The following TCEA1 variants were observed in gnomAD, a reference collection of about 807,000 sequenced individuals.
TCEA1 encodes the protein transcription elongation factor A1.
In TCEA1, 21 loss-of-function variants were observed where a neutral mutation model predicts 43.8. That is an observed-to-expected ratio of 0.48 (90% CI 0.34 to 0.69). The LOEUF (loss-of-function observed/expected upper bound fraction) is 0.69, where lower values mean the gene tolerates loss of function less well. Among genes scored for constraint, TCEA1 ranks in the 30% least tolerant of loss-of-function variants. The pLI, the probability that TCEA1 is intolerant of heterozygous loss-of-function variation, is 0.01. For missense variants in TCEA1, 250 were observed against 365.1 expected (o/e 0.68, Z 2.57); for synonymous variants, 104 against 117.5 (o/e 0.88, Z 0.75).
chr8:54,000,758 ATT>A (rs537952645), intron 2 of TCEA1, among the ~76,000 whole-genome samples: 11 of 136,044 alleles, frequency 8.1e-5, no homozygotes, highest in Admixed American at 1.5e-4. Flanking sequence ...CAAAGCTGGG[ATT>A]TTTTTTTTTT....
intron 7 of TCEA1, 85 bp from the exon 8 acceptor site, chr8:53,979,256 T>C (rs1357668649): frequency 1.5e-6 from 2 of 1,338,534 alleles, no homozygotes; most frequent in African/African-American, 1.5e-5. Flanking sequence ...AGCCTAATAA[T>C]AATAAAACCA....
chr8:54,001,755 A>G (rs541793095), intron 2 of TCEA1, among the ~76,000 whole-genome samples: 3 of 152,304 alleles, frequency 2.0e-5, no homozygotes, highest in African/African-American at 4.8e-5. Context: ...TAAAAAGTCA[A>G]TGATTATCCC....
At chr8:53,997,808 A>T (rs751984076) in intron 3 of TCEA1, among the ~76,000 whole-genome samples, 14 of 152,204 alleles carry the variant, frequency 9.2e-5, no homozygotes, top group Non-Finnish European at 1.8e-4. Flanking sequence ...CTGATGTGAA[A>T]GACTGCTTGA....
At chr8:54,016,454 C>T (rs542052627) in intron 1 of TCEA1, among the ~76,000 whole-genome samples, 12 of 152,092 alleles carry the variant, frequency 7.9e-5, no homozygotes, top group South Asian at 6.2e-4. Flanking sequence ...GGTGACAGAG[C>T]GAGACACTTG....
At chr8:54,021,362 A>T (rs1805023520) in intron 1 of TCEA1, among the ~76,000 whole-genome samples, 1 of 152,356 alleles carries the variant, frequency 6.6e-6, no homozygotes, top group African/African-American at 2.4e-5. Context: ...TATTAACTGT[A>T]AACCACTTAG....
At chr8:54,016,338 C>T (rs1048296116) in intron 1 of TCEA1, among the ~76,000 whole-genome samples, 5 of 152,036 alleles carry the variant, frequency 3.3e-5, no homozygotes, top group Non-Finnish European at 7.4e-5. Context: ...GGGCATGGTG[C>T]TGGGTGCCTG....
At chr8:53,972,774 G>A (rs1217416065) in intron 8 of TCEA1, 1 of 715,656 alleles carries the variant, frequency 1.4e-6, no homozygotes. Context: ...TGCAGTAGTA[G>A]ACTGTGATTC....
chr8:53,971,552 AGTGAGCCGAG>A (rs1803157222), intron 8 of TCEA1: 1 of 154,056 alleles, frequency 6.5e-6, no homozygotes, highest in South Asian at 2.0e-4. Context: ...CGGAGGCTGC[AGTGAGCCGAG>A]GTCACGCCAC....
chr8:53,991,162 G>A (rs1803863031), intron 4 of TCEA1, among the ~76,000 whole-genome samples: 1 of 152,208 alleles, frequency 6.6e-6, no homozygotes, highest in South Asian at 2.1e-4. Flanking sequence ...AGAGGCCAAG[G>A]TGGGTGGATC....
rs1804615903 is a variant in TCEA1, at chr8:54,010,453, G to A, written c.103C>T (p.Pro35Ser). The A allele has an allele frequency of 5.0e-6, 8 of 1,606,310 alleles. No homozygotes were observed. The highest frequency in any genetic ancestry group is 6.8e-6 in the Non-Finnish European group (8 of 1,177,232). The stretch of plus-strand genomic sequence containing the variant: ...ACCTGCAGTAATTCCAGGGTCATAG[G>A]AATATTCTTAAGCTCCTTTAGCAAA... ...LDLLKELKNI[P>S]MTLELLQSTR... Residue 35 changes from proline (P) to serine (S), a missense_variant, in exon 2 of 10, where the codon CCT (proline) becomes TCT (serine). Around this residue, in one of 4 missense-constraint regions of TCEA1, gnomAD observed 27 missense variants for 63.1 expected, o/e 0.43. Transcript: ENST00000521604.
In TCEA1 at chr8:53,993,727, G is replaced by A. The variant is rs774732291; in HGVS notation, c.261C>T (p.Asp87=). Reference sequence around the variant, plus strand: ...TAATTGCAGGTTCTTTCTTCTTTTCGTCAAGGTCTTTCTCAGTTGATGGCC... The same window carrying A: ...TAATTGCAGGTTCTTTCTTCTTTTCATCAAGGTCTTTCTCAGTTGATGGCC... ...LDGPSTEKDL[D]EKKKEPAITS... Residue 87 remains aspartate, a synonymous_variant, in exon 4 of 10, where the codon GAC becomes GAT. Transcript: ENST00000521604. 82 of 1,613,288 alleles carry A rather than the reference G, an allele frequency of 5.1e-5. No individual in the cohort carries two copies. The African/African-American group carries it at 7.1e-4, about 14-fold the overall frequency.
intron 7 of TCEA1, among the ~76,000 whole-genome samples, chr8:53,980,232 G>A (rs1384301328): frequency 6.6e-6 from 1 of 152,138 alleles, no homozygotes; most frequent in Non-Finnish European, 1.5e-5. Context: ...GGGATCTCTG[G>A]AGGAATGCCT....
chr8:54,018,031 A>G (rs1804893241), intron 1 of TCEA1, among the ~76,000 whole-genome samples: 1 of 152,210 alleles, frequency 6.6e-6, no homozygotes, highest in South Asian at 2.1e-4. Context: ...AATGAATTTA[A>G]TTCTATTTCT....
chr8:53,987,486 TAA>T lies in TCEA1; in HGVS notation c.467-463_467-462del, dbSNP rs536137939. 1.2e-4 allele frequency among the ~76,000 whole-genome samples: 18 copies of T among 151,048 alleles called. No homozygotes were observed. In the South Asian group the frequency reaches 3.4e-3, roughly 28 times the overall value. On this transcript the variant is annotated intron_variant, in intron 5 of 9. Transcript: ENST00000521604. ...AAGGAAATAAACTAGGCAGAAAAAA[TAA>T]AAGAGACAGTCAGGAAATCAAAGTA...
At chr8:53,987,121 C>A in intron 5 of TCEA1, 96 bp from the exon 6 acceptor site, 4 of 1,029,638 alleles carry the variant, frequency 3.9e-6, no homozygotes, top group Non-Finnish European at 4.3e-6. Context: ...TTCTTAAACC[C>A]CATTTGCCTG....
At chr8:54,011,195 A>G (rs1189544543) in intron 1 of TCEA1, among the ~76,000 whole-genome samples, 1 of 152,226 alleles carries the variant, frequency 6.6e-6, no homozygotes, top group Non-Finnish European at 1.5e-5. Context: ...AAACATACAT[A>G]TAAGTAAAAC....
At chr8:53,986,258 C>T (rs1257266031) in intron 6 of TCEA1, among the ~76,000 whole-genome samples, 2 of 152,206 alleles carry the variant, frequency 1.3e-5, no homozygotes, top group Non-Finnish European at 2.9e-5. Flanking sequence ...GGCCAATCCA[C>T]CTGCCTGGTC....
intron 3 of TCEA1, among the ~76,000 whole-genome samples, chr8:53,999,004 A>G (rs370506188): frequency 3.0e-4 from 45 of 152,272 alleles, no homozygotes; most frequent in African/African-American, 7.0e-4. Context: ...CAAGGCGGGC[A>G]GATCACAAGG....
intron 1 of TCEA1, among the ~76,000 whole-genome samples, chr8:54,020,140 A>G (rs1405837614): frequency 2.6e-5 from 4 of 152,242 alleles, no homozygotes; most frequent in Non-Finnish European, 5.9e-5. Flanking sequence ...CATCTAATGC[A>G]TTAGATGATT....
Sources: allele counts gnomAD v4.1 joint callset (sites outside exome capture counted in the v4.1 genomes callset), GRCh38; gene constraint gnomAD v4.1.1; regional missense constraint gnomAD v4.1.1; transcripts MANE v1.5; gene names NCBI Gene and HGNC (gene_info 2026-07-23, HGNC 2026-07-21).